The following YME1L1 variants were observed in gnomAD, a reference collection of about 807,000 sequenced individuals.
The protein encoded by YME1L1 is YME1 like 1 ATPase, also known as ATP-dependent zinc metalloprotease YME1L1.
A neutral mutation model predicts 90.4 loss-of-function variants in YME1L1; 39 were observed. The observed-to-expected ratio is 0.43, with a 90% confidence interval of 0.33 to 0.56. YME1L1 has a LOEUF of 0.56. Among genes scored for constraint, YME1L1 ranks in the 20% least tolerant of loss-of-function variants. YME1L1 has a pLI of 0.03. For missense variants in YME1L1, 617 were observed against 868.4 expected, an observed-to-expected ratio of 0.71 and a Z score of 3.64; for synonymous variants, 284 against 287.3, an observed-to-expected ratio of 0.99 and a Z score of 0.12.
At chr10:27,136,038 A>G (rs868037299) in intron 5 of YME1L1, among the ~76,000 whole-genome samples, 82 of 152,326 alleles carry the variant, frequency 5.4e-4, no homozygotes, top group African/African-American at 1.9e-3. Context: ...GCTGCTCATT[A>G]ATACAGAGAA....
At chr10:27,129,470 C>T (rs1358477667) in intron 8 of YME1L1, 2 of 152,052 alleles carry the variant, frequency 1.3e-5, no homozygotes, top group Admixed American at 6.6e-5. Flanking sequence ...AACAGAGACA[C>T]GAATAAGTAA....
intron 8 of YME1L1, among the ~76,000 whole-genome samples, chr10:27,128,991 C>T (rs574345410): frequency 7.0e-6 from 1 of 143,590 alleles, no homozygotes; most frequent in Non-Finnish European, 1.5e-5. Context: ...GAGGTTAAGG[C>T]AGGAGTATCA....
chr10:27,135,349 C>T (rs1474719115), intron 5 of YME1L1, among the ~76,000 whole-genome samples: 1 of 152,112 alleles, frequency 6.6e-6, no homozygotes, highest in Non-Finnish European at 1.5e-5. Flanking sequence ...TATACTTGGC[C>T]TTATATAAGT....
chr10:27,133,594 T>C lies in YME1L1; in HGVS notation c.775+445A>G, dbSNP rs1488532744. On this transcript the variant is annotated intron_variant, in intron 7 of 18. Coordinates refer to ENST00000376016, the MANE Select transcript of YME1L1 (RefSeq NM_014263.4). ...TACATATCCTTAATATTTAAGAGAA[T>C]AGGCAACACAGGGTGAAAACTGCAC... is the stretch of plus-strand genomic sequence containing the variant. Among the ~76,000 whole-genome samples the C allele has an allele frequency of 2.6e-5, 4 of 152,090 alleles. No homozygotes were observed. In the South Asian group the frequency reaches 6.2e-4, roughly 24 times the overall value.
At chr10:27,129,106 A>AC (rs1312689776) in intron 8 of YME1L1, 1 of 150,830 alleles carries the variant, frequency 6.6e-6, no homozygotes, top group African/African-American at 2.5e-5. Flanking sequence ...AAAAAAAAAA[A>AC]AAAAAAACTC....
rs869122796 is a variant in YME1L1 at position 27,113,219 on chromosome 10, C to CA, written c.2008-1100dup. Among the ~76,000 whole-genome samples the CA allele has an allele frequency of 7.0e-4, 30 of 43,092 alleles. 1 individual carries two copies. The highest frequency in any genetic ancestry group is 9.1e-4 in the Admixed American group (2 of 2,186). The allele number at this position is 43,092 out of a possible 152,430, so 28.3% of individuals were successfully genotyped here. On this transcript the variant is annotated intron_variant, in intron 18 of 18. Coordinates refer to ENST00000376016, the MANE Select transcript of YME1L1 (RefSeq NM_014263.4). ...TGGGTGACAGGGCAAGATGCTGTCT[C>CA]AAAAAAAAAAAAAAAAAAAAAAAAA...
chr10:27,114,629 T>C (rs566806849), intron 17 of YME1L1, 22 bp from the exon 18 acceptor site: 2 of 1,591,676 alleles, frequency 1.3e-6, no homozygotes, highest in South Asian at 2.3e-5. Context: ...AGGAAGAAAG[T>C]AATTGAACAG....
chr10:27,142,331 C>G, intron 4 of YME1L1, 56 bp downstream of exon 4: 1 of 1,025,218 alleles, frequency 9.8e-7, no homozygotes, highest in Non-Finnish European at 1.4e-6. Context: ...AAAGACAAAT[C>G]AGACTATAGT....
intron 2 of YME1L1, 121 bp downstream of exon 2, chr10:27,148,785 G>A: frequency 7.7e-7 from 1 of 1,306,908 alleles, no homozygotes; most frequent in Non-Finnish European, 1.1e-6. Context: ...TTTCTCAGGA[G>A]TCAAAAATTA....
In YME1L1 at chr10:27,131,882, C is replaced by A. The variant is rs1317309165; in HGVS notation, c.835G>T (p.Val279Phe). 1 of 1,612,660 alleles carries A rather than the reference C, an allele frequency of 6.2e-7. No homozygotes were observed. The highest frequency in any genetic ancestry group is 1.7e-5 in the Admixed American group (1 of 59,622). The change falls in exon 8 of 19, where the codon GTC becomes TTC. Residue 279 changes from valine (V) to phenylalanine (F), a missense_variant. By Grantham distance (50) the Val-to-Phe change is conservative. Transcript: ENST00000376016. ...SAVDPVQMKN[V>F]TFEHVKGVEE... Reference sequence around the variant, plus strand: ...ACCCCTTTAACATGTTCAAAGGTGACATTTTTCATCTGGACAGGATCTACT... The same window carrying A: ...ACCCCTTTAACATGTTCAAAGGTGAAATTTTTCATCTGGACAGGATCTACT...
At chr10:27,112,263 T>C in intron 18 of YME1L1, 143 bp from the exon 19 acceptor site, 1 of 797,802 alleles carries the variant, frequency 1.3e-6, no homozygotes, top group Non-Finnish European at 1.9e-6. Flanking sequence ...ATCTTGATTC[T>C]ACAGTAGAGA....
At chr10:27,134,259 ACTG>A (rs1460344662) in intron 6 of YME1L1, 137 bp from the exon 7 acceptor site, 5 of 720,482 alleles carry the variant, frequency 6.9e-6, no homozygotes, top group Non-Finnish European at 1.2e-5. Context: ...CTTTCTCACA[ACTG>A]CTATGATTTC....
chr10:27,130,287 T>C (rs1255545607), intron 8 of YME1L1, among the ~76,000 whole-genome samples: 3 of 152,218 alleles, frequency 2.0e-5, no homozygotes, highest in Admixed American at 2.0e-4. Flanking sequence ...GCTTCTCTTC[T>C]CTGTCTTGTG....
At chr10:27,139,340 C>A (rs1014282835) in intron 4 of YME1L1, among the ~76,000 whole-genome samples, 6 of 151,958 alleles carry the variant, frequency 3.9e-5, no homozygotes, top group African/African-American at 7.3e-5. Context: ...ACTACAGGGG[C>A]ATGATACCAC....
chr10:27,117,665 A>AT lies in YME1L1; in HGVS notation c.1629dup (p.Ser544IlefsTer36). On this transcript the variant is annotated frameshift_variant, in exon 15 of 19. Coordinates refer to ENST00000376016, the MANE Select transcript of YME1L1 (RefSeq NM_014263.4). LOFTEE classifies it high-confidence loss of function. The stretch of plus-strand genomic sequence containing the variant: ...TAATATGCAATAATGGCATGACCAG[A>AT]TTCATGATATGCTGTGATGGTTTTG... The AT allele has an allele frequency of 6.2e-7, 1 of 1,614,218 alleles. No homozygotes were observed. Among genetic ancestry groups the AT allele is most frequent in the Non-Finnish European group, 8.5e-7 (1 of 1,180,022 alleles).
chr10:27,124,901 C>T (rs2056901679), intron 9 of YME1L1, among the ~76,000 whole-genome samples: 1 of 152,156 alleles, frequency 6.6e-6, no homozygotes. Context: ...CATAAGCCAT[C>T]ACTTGGGTCC....
intron 14 of YME1L1, among the ~76,000 whole-genome samples, chr10:27,118,457 A>C (rs919304812): frequency 6.6e-6 from 1 of 152,072 alleles, no homozygotes; most frequent in Non-Finnish European, 1.5e-5. Flanking sequence ...AATTTTTAAA[A>C]TTTTTGGTAG....
intron 18 of YME1L1, among the ~76,000 whole-genome samples, chr10:27,113,219 CAAAAAAAAAAAA>C (rs869122796): frequency 0.1 from 4,361 of 43,220 alleles, 513 homozygotes; most frequent in South Asian, 0.36. Flanking sequence ...GATGCTGTCT[CAAAAAAAAAAAA>C]AAAAAAAAAA....
chr10:27,154,169 C>T lies in YME1L1; in HGVS notation c.33+9G>A. On this transcript the variant is annotated intron_variant, in intron 1 of 18. Coordinates refer to ENST00000376016, the MANE Select transcript of YME1L1 (RefSeq NM_014263.4). ...GGAGGAAAAAAAATGGGCTGAATGCCTGGCTTACCTGGGGTTGCACCGTGC... is the reference window on the plus strand; with the variant it reads ...GGAGGAAAAAAAATGGGCTGAATGCTTGGCTTACCTGGGGTTGCACCGTGC... 8 of 1,588,386 alleles carry T rather than the reference C, an allele frequency of 5.0e-6. No homozygotes were observed. The highest frequency in any genetic ancestry group is 6.9e-6 in the Non-Finnish European group (8 of 1,166,406).
Sources: gnomAD v4.1 joint callset for allele counts (sites outside exome capture counted in the v4.1 genomes callset) on GRCh38, gnomAD v4.1.1 for gene constraint, MANE v1.5 for transcripts, NCBI Gene and HGNC (gene_info 2026-07-23, HGNC 2026-07-21) for gene names.